The following DENND1B variants were observed in gnomAD, a reference collection of about 807,000 sequenced individuals.
DENND1B encodes the protein DENN domain containing 1B, also known as DENN domain-containing protein 1B.
A neutral mutation model predicts 90.1 loss-of-function variants in DENND1B; 59 were observed. The observed-to-expected ratio is 0.65, with a 90% confidence interval of 0.53 to 0.81. The LOEUF is 0.81. Ranked by LOEUF, DENND1B falls within the 40% of genes least tolerant of loss-of-function variation. The pLI is 0.00. For synonymous variants in DENND1B, 337 were observed against 324.6 expected (o/e 1.04, Z -0.41); for missense variants, 862 against 912.6 (o/e 0.94, Z 0.71).
chr1:197,656,086 T>C (rs985549378), intron 6 of DENND1B, among the ~76,000 whole-genome samples: 2 of 152,122 alleles, frequency 1.3e-5, no homozygotes, highest in East Asian at 1.9e-4. Flanking sequence ...TATGAAGCGA[T>C]TGTAAGCAGT....
intron 15 of DENND1B, among the ~76,000 whole-genome samples, chr1:197,572,221 C>T (rs1267712372): frequency 1.3e-5 from 2 of 152,124 alleles, no homozygotes; most frequent in African/African-American, 2.4e-5. Context: ...CCAAATACTG[C>T]GCTTTTCCCA....
Position 197,611,913 on chromosome 1 carries a change from T to C in DENND1B, c.819+18A>G, listed in dbSNP as rs748390878. On this transcript the variant is annotated intron_variant, in intron 12 of 22. Transcript: ENST00000620048. ...ATGAGTTAATTTTATCACTGTCTCA[T>C]GTCTGAAAGATACTCACCTCTATGA... 1 of 1,599,158 alleles carries C rather than the reference T, an allele frequency of 6.3e-7. No homozygotes were observed. Among genetic ancestry groups the C allele is most frequent in the Non-Finnish European group, 8.5e-7 (1 of 1,169,860 alleles).
intron 3 of DENND1B, among the ~76,000 whole-genome samples, chr1:197,686,608 C>T (rs761205153): frequency 1.3e-5 from 2 of 152,172 alleles, no homozygotes; most frequent in Non-Finnish European, 2.9e-5. Flanking sequence ...AAGAAATGTA[C>T]TATGTATGAA....
chr1:197,770,711 T>A (rs1475311345), intron 2 of DENND1B, among the ~76,000 whole-genome samples: 2 of 142,238 alleles, frequency 1.4e-5, no homozygotes, highest in Admixed American at 1.5e-4. Context: ...TATAAATATA[T>A]AAATATATAT....
intron 10 of DENND1B, among the ~76,000 whole-genome samples, chr1:197,625,016 G>A (rs919094603): frequency 3.3e-5 from 5 of 152,068 alleles, no homozygotes; most frequent in African/African-American, 1.2e-4. Flanking sequence ...ATGGGACTAT[G>A]TGAAAAGACC....
At chr1:197,696,854 C>T (rs1658479441) in intron 3 of DENND1B, among the ~76,000 whole-genome samples, 1 of 143,212 alleles carries the variant, frequency 7.0e-6, no homozygotes, top group Non-Finnish European at 1.5e-5. Flanking sequence ...CCTTTTCCTT[C>T]AAGAAACATA....
chr1:197,768,976 G>A (rs1656070532), intron 2 of DENND1B, among the ~76,000 whole-genome samples: 2 of 152,008 alleles, frequency 1.3e-5, no homozygotes, highest in Admixed American at 1.3e-4. Flanking sequence ...AAAAGCTAAT[G>A]TCATTTCACA....
chr1:197,684,736 C>G (rs1313424141), intron 3 of DENND1B, among the ~76,000 whole-genome samples: 1 of 152,160 alleles, frequency 6.6e-6, no homozygotes, highest in Non-Finnish European at 1.5e-5. Flanking sequence ...ATATATTTAA[C>G]TCTTTTCAAG....
chr1:197,715,978 T>C (rs1284485156), intron 2 of DENND1B, among the ~76,000 whole-genome samples: 1 of 151,438 alleles, frequency 6.6e-6, no homozygotes, highest in Non-Finnish European at 1.5e-5. Flanking sequence ...ATAAGACTAA[T>C]GTGTGTAACA....
Position 197,639,284 on chromosome 1 carries a change from G to A in DENND1B, c.672+3427C>T, listed in dbSNP as rs755155002. Among the ~76,000 whole-genome samples the A allele has an allele frequency of 3.1e-4, 47 of 151,990 alleles. 1 individual carries two copies. Among genetic ancestry groups the A allele is most frequent in the Non-Finnish European group, 3.5e-4 (24 of 67,998 alleles). The stretch of plus-strand genomic sequence containing the variant: ...TCGCTATGTTGGCCAGGCTGGTCTC[G>A]AACTCCTGACCTCAGGTGATCTGCT... On this transcript the variant is annotated intron_variant, in intron 10 of 22. Transcript: ENST00000620048.
intron 16 of DENND1B, chr1:197,552,769 T>A: frequency 8.0e-7 from 1 of 1,250,280 alleles, no homozygotes. Context: ...ATTACTAATT[T>A]CCAGCAATAT....
chr1:197,568,311 T>C (rs956746926), intron 15 of DENND1B, among the ~76,000 whole-genome samples: 2 of 152,158 alleles, frequency 1.3e-5, no homozygotes, highest in South Asian at 4.1e-4. Context: ...ACCTATACAA[T>C]GAAAGCTATA....
At chr1:197,534,931 A>G (rs1181680255) in intron 20 of DENND1B, among the ~76,000 whole-genome samples, 2 of 152,200 alleles carry the variant, frequency 1.3e-5, no homozygotes, top group Non-Finnish European at 2.9e-5. Context: ...CTCTAGCATC[A>G]GCTTTCTGCC....
intron 2 of DENND1B, among the ~76,000 whole-genome samples, chr1:197,770,759 TATAA>T (rs1253238161): frequency 3.5e-5 from 5 of 141,464 alleles, no homozygotes; most frequent in South Asian, 2.2e-4. Context: ...TATAAATATA[TATAA>T]ATATATATCT....
At chr1:197,780,559 C>T (rs1179097101), upstream of DENND1B, among the ~76,000 whole-genome samples, 6 of 151,938 alleles carry the variant, frequency 3.9e-5, no homozygotes, top group Non-Finnish European at 7.4e-5. Flanking sequence ...CTCTTGACCT[C>T]GTGATCCACC....
At chr1:197,600,159 G>C (rs1336370015) in intron 13 of DENND1B, among the ~76,000 whole-genome samples, 2 of 151,788 alleles carry the variant, frequency 1.3e-5, no homozygotes, top group African/African-American at 4.8e-5. Context: ...ACCACAAAAG[G>C]CTGATCTGAG....
chr1:197,624,562 T>C (rs1678478093), intron 10 of DENND1B, among the ~76,000 whole-genome samples: 1 of 151,602 alleles, frequency 6.6e-6, no homozygotes, highest in Non-Finnish European at 1.5e-5. Context: ...AAAAATTAAT[T>C]GATAAGCTGG....
At chr1:197,779,975 T>C (rs1489289440), upstream of DENND1B, among the ~76,000 whole-genome samples, 2 of 152,138 alleles carry the variant, frequency 1.3e-5, no homozygotes, top group Admixed American at 1.3e-4. Flanking sequence ...GAAATGAAAA[T>C]GAGTTCTCTG....
chr1:197,646,950 A>C, intron 8 of DENND1B, 105 bp downstream of exon 8: 1 of 773,162 alleles, frequency 1.3e-6, no homozygotes, highest in South Asian at 2.1e-5. Flanking sequence ...AGTCAAATTC[A>C]CCATTTCCCA....
Sources: allele counts gnomAD v4.1 joint callset (sites outside exome capture counted in the v4.1 genomes callset), GRCh38; gene constraint gnomAD v4.1.1; transcripts MANE v1.5; gene names NCBI Gene and HGNC (gene_info 2026-07-23, HGNC 2026-07-21).